Variants in GALNT18 observed in about 807,000 individuals in gnomAD.
GALNT18 encodes the protein polypeptide N-acetylgalactosaminyltransferase 18.
GALNT18 carries 44 observed loss-of-function variants against 69.5 expected under a neutral mutation model. The ratio of observed to expected loss-of-function variants is 0.63; its 90% confidence interval spans 0.50 to 0.81. GALNT18 has a LOEUF of 0.81. Among genes scored for constraint, GALNT18 ranks in the 40% least tolerant of loss-of-function variants. GALNT18 has a pLI of 0.00. For synonymous variants in GALNT18, 364 were observed against 318.2 expected, an observed-to-expected ratio of 1.14 and a Z score of -1.53; for missense variants, 715 against 810.0, an observed-to-expected ratio of 0.88 and a Z score of 1.42.
rs914051420 is a variant in GALNT18, at chr11:11,555,173, T to A, written c.235+66186A>T. Among the ~76,000 whole-genome samples, 7 of 152,166 alleles carry A rather than the reference T, an allele frequency of 4.6e-5. No homozygotes were observed. The highest frequency in any genetic ancestry group is 1.7e-4 in the African/African-American group (7 of 41,442). On this transcript the variant is annotated intron_variant, in intron 1 of 10. Coordinates refer to ENST00000227756, the MANE Select transcript of GALNT18 (RefSeq NM_198516.3). The surrounding 1 kb of genome is among the most constrained non-coding windows in gnomAD (Gnocchi z 4.7). ...TCTGAATGATGAGTCCTGCTCAGGA[T>A]CCCTGATGGGCTGCTCAGGGCGGGG...
chr11:11,581,935 T>C (rs1267069924), intron 1 of GALNT18, among the ~76,000 whole-genome samples: 1 of 151,916 alleles, frequency 6.6e-6, no homozygotes, highest in African/African-American at 2.4e-5. Flanking sequence ...GTATACCAGA[T>C]AGGGGGCTAA....
In GALNT18 at chr11:11,469,299, A is replaced by G. The variant is rs1856222124; in HGVS notation, c.236-20363T>C. 6.6e-6 allele frequency among the ~76,000 whole-genome samples: 1 copy of G among 152,232 alleles called. No homozygotes were observed. Among genetic ancestry groups the G allele is most frequent in the Admixed American group, 6.5e-5 (1 of 15,282 alleles). On this transcript the variant is annotated intron_variant, in intron 1 of 10. Transcript: ENST00000227756. The surrounding 1 kb of genome is among the most constrained non-coding windows in gnomAD (Gnocchi z 4.2). ...CCCAGGGACTTCACAGAGGGAGCAG[A>G]TGAAAGGCATGGAGACAGCGCTGAA...
At position 11,314,931 on chromosome 11, in the gene GALNT18, A is replaced by G. The variant is rs1470684034; in HGVS notation, c.1512+12155T>C. ...ACTATTGGTGGTGGGGCCTAGGGAT[A>G]TCTTTACATGTTTGAGCCAAATGAG... On this transcript the variant is annotated intron_variant, in intron 9 of 10. Coordinates refer to ENST00000227756, the MANE Select transcript of GALNT18 (RefSeq NM_198516.3). The surrounding 1 kb of genome is among the most constrained non-coding windows in gnomAD (Gnocchi z 5.2). Among the ~76,000 whole-genome samples, 1 of 152,162 alleles carries G rather than the reference A, an allele frequency of 6.6e-6. No individual in the cohort carries two copies.
chr11:11,418,749 A>T (rs1273762929), intron 3 of GALNT18, among the ~76,000 whole-genome samples: 1 of 152,194 alleles, frequency 6.6e-6, no homozygotes, highest in Non-Finnish European at 1.5e-5. Context: ...CACTCTGTGA[A>T]TGTCTGTTGA....
intron 3 of GALNT18, among the ~76,000 whole-genome samples, chr11:11,393,543 C>T (rs1194216395): frequency 6.6e-6 from 1 of 152,274 alleles, no homozygotes; most frequent in African/African-American, 2.4e-5. Context: ...GCCATGTGGG[C>T]TTCCTTGCTC....
In GALNT18 at chr11:11,318,426, G is replaced by A. The variant is rs1053757708; in HGVS notation, c.1512+8660C>T. ...GACGCACATACTGATAATGCCATGT[G>A]AAGGGTGATGTTAAGCTGCTACAAG... is the stretch of plus-strand genomic sequence containing the variant. On this transcript the variant is annotated intron_variant, in intron 9 of 10. Transcript: ENST00000227756. This position sits in a 1 kb window ranked among gnomAD's most constrained non-coding sequence, Gnocchi z 5.1. 3.3e-5 allele frequency among the ~76,000 whole-genome samples: 5 copies of A among 152,212 alleles called. No homozygotes were observed. Among genetic ancestry groups the A allele is most frequent in the African/African-American group, 9.6e-5 (4 of 41,454 alleles).
chr11:11,298,606 A>G (rs1849441121), intron 9 of GALNT18, among the ~76,000 whole-genome samples: 1 of 152,184 alleles, frequency 6.6e-6, no homozygotes, highest in African/African-American at 2.4e-5. Flanking sequence ...CTCACCCATG[A>G]ACCAGCAATG....
chr11:11,340,681 G>T lies in GALNT18; in HGVS notation c.1278+138C>A. ...GCCCCTTTTCTTCAGCAAATAATAT[G>T]TTTTGGGGTTGAGAGTCCATTCTTG... On this transcript the variant is annotated intron_variant, in intron 7 of 10. Coordinates refer to ENST00000227756, the MANE Select transcript of GALNT18 (RefSeq NM_198516.3). This position sits in a 1 kb window ranked among gnomAD's most constrained non-coding sequence, Gnocchi z 4.2. 1.3e-6 allele frequency: 1 copy of T among 752,834 alleles called. No homozygotes were observed. The highest frequency in any genetic ancestry group is 2.1e-6 in the Non-Finnish European group (1 of 466,844). 46.6% of individuals were successfully genotyped at this position (752,834 alleles called of 1,614,324 possible).
chr11:11,276,666 T>C (rs938831229), intron 10 of GALNT18, among the ~76,000 whole-genome samples: 3 of 152,214 alleles, frequency 2.0e-5, no homozygotes, highest in Non-Finnish European at 2.9e-5. Context: ...ATAGCTCTTA[T>C]TATTTTGAGA....
chr11:11,468,861 T>C (rs889020274), intron 1 of GALNT18, among the ~76,000 whole-genome samples: 4 of 152,222 alleles, frequency 2.6e-5, no homozygotes, highest in Non-Finnish European at 4.4e-5. Context: ...GAAAGAAGGA[T>C]ACAGGAGTCC....
At position 11,377,062 on chromosome 11, in the gene GALNT18, C is replaced by T. The variant is rs1853779293; in HGVS notation, c.977+120G>A. ...AGATCAGACTGCAGTTCCTTTCGAC[C>T]CTGCCCACCCCTGTCATCCCCACGA... On this transcript the variant is annotated intron_variant, in intron 5 of 10. Coordinates refer to ENST00000227756, the MANE Select transcript of GALNT18 (RefSeq NM_198516.3). This position sits in a 1 kb window ranked among gnomAD's most constrained non-coding sequence, Gnocchi z 4.6. The T allele has an allele frequency of 2.3e-6, 2 of 873,430 alleles. No individual in the cohort carries two copies. Among genetic ancestry groups the T allele is most frequent in the Admixed American group, 4.4e-5 (2 of 45,228 alleles). 54.1% of individuals were successfully genotyped at this position (873,430 alleles called of 1,614,324 possible).
chr11:11,303,811 C>T (rs1445619872), intron 9 of GALNT18, among the ~76,000 whole-genome samples: 3 of 152,240 alleles, frequency 2.0e-5, no homozygotes, highest in Non-Finnish European at 4.4e-5. Flanking sequence ...TCTTGCCAAT[C>T]CTTCTCTGTA....
chr11:11,280,152 C>CG (rs1241899530), intron 10 of GALNT18, among the ~76,000 whole-genome samples: 1 of 152,122 alleles, frequency 6.6e-6, no homozygotes, highest in East Asian at 1.9e-4. Flanking sequence ...ACCCCCCGCC[C>CG]GGGGAGTGCA....
intron 1 of GALNT18, among the ~76,000 whole-genome samples, chr11:11,609,852 T>A (rs773079834): frequency 1.3e-5 from 2 of 152,220 alleles, no homozygotes; most frequent in Non-Finnish European, 1.5e-5. Flanking sequence ...GGGCTGGCCA[T>A]GTCTGCTATT....
Position 11,377,935 on chromosome 11 carries a change from G to C in GALNT18, c.780-556C>G, listed in dbSNP as rs1273002819. 3.3e-5 allele frequency among the ~76,000 whole-genome samples: 5 copies of C among 152,152 alleles called. No homozygotes were observed. The highest frequency in any genetic ancestry group is 7.4e-5 in the Non-Finnish European group (5 of 68,012). ...CCACCCAAGGAGGGGTGGGGCATTTGGGCTTTCCCAGGGAGCTGGGAGACC... is the reference window on the plus strand; with the variant it reads ...CCACCCAAGGAGGGGTGGGGCATTTCGGCTTTCCCAGGGAGCTGGGAGACC... On this transcript the variant is annotated intron_variant, in intron 4 of 10. Transcript: ENST00000227756. The surrounding 1 kb of genome is among the most constrained non-coding windows in gnomAD (Gnocchi z 4.6).
At chr11:11,381,341 C>A (rs747357250) in intron 3 of GALNT18, among the ~76,000 whole-genome samples, 6 of 152,138 alleles carry the variant, frequency 3.9e-5, no homozygotes, top group African/African-American at 7.2e-5. Context: ...GAGAACTGGG[C>A]TAGTACCAAA....
intron 6 of GALNT18, among the ~76,000 whole-genome samples, chr11:11,350,984 G>A (rs1351717041): frequency 6.6e-6 from 1 of 152,190 alleles, no homozygotes; most frequent in Non-Finnish European, 1.5e-5. Context: ...TATGTAAAGA[G>A]GCAAGGTGAC....
rs145669197 is a variant in GALNT18 at position 11,315,697 on chromosome 11, C to T, written c.1512+11389G>A. Among the ~76,000 whole-genome samples, 299 of 152,326 alleles carry T rather than the reference C, an allele frequency of 2.0e-3. 4 individuals are homozygous for T. Among genetic ancestry groups the T allele is most frequent in the African/African-American group, 6.9e-3 (288 of 41,564 alleles). ...CAATCATTCAGTGATGTGCAAGTTA[C>T]ATCCCAACTTTACAGATTATGAACC... On this transcript the variant is annotated intron_variant, in intron 9 of 10. Coordinates refer to ENST00000227756, the MANE Select transcript of GALNT18 (RefSeq NM_198516.3). This position sits in a 1 kb window ranked among gnomAD's most constrained non-coding sequence, Gnocchi z 5.6.
chr11:11,280,563 G>A (rs1257412971), intron 10 of GALNT18, among the ~76,000 whole-genome samples: 1 of 152,194 alleles, frequency 6.6e-6, no homozygotes, highest in East Asian at 1.9e-4. Context: ...CCTTCCGGCA[G>A]GAGAGGTGAG....
Sources: gnomAD v4.1 joint callset for allele counts (sites outside exome capture counted in the v4.1 genomes callset) on GRCh38, gnomAD v4.1.1 for gene constraint, Gnocchi (gnomAD v3.1) non-coding constraint, MANE v1.5 for transcripts, NCBI Gene and HGNC (gene_info 2026-07-23, HGNC 2026-07-21) for gene names.